SPOCK1: variants seen among roughly 807,000 people sequenced by gnomAD.
The protein encoded by SPOCK1 is testican-1.
In SPOCK1, 23 loss-of-function variants were observed where a neutral mutation model predicts 55.3. The observed-to-expected ratio is 0.42, with a 90% CI of 0.30 to 0.59. The LOEUF (loss-of-function observed/expected upper bound fraction) is 0.59, where lower values mean the gene tolerates loss of function less well. Ranked by LOEUF, SPOCK1 falls within the 20% of genes least tolerant of loss-of-function variation. SPOCK1 has a pLI of 0.22. For synonymous variants in SPOCK1, 226 were observed against 221.0 expected, an observed-to-expected ratio of 1.02 and a Z score of -0.20; for missense variants, 499 against 552.5, an observed-to-expected ratio of 0.90 and a Z score of 0.97.
intron 2 of SPOCK1, among the ~76,000 whole-genome samples, chr5:137,409,276 C>T (rs759061376): frequency 6.6e-6 from 1 of 152,146 alleles, no homozygotes; most frequent in Non-Finnish European, 1.5e-5. Context: ...TTTGTTATAC[C>T]CTTCATAGGA....
intron 2 of SPOCK1, among the ~76,000 whole-genome samples, chr5:137,368,326 C>A (rs1475083082): frequency 6.6e-6 from 1 of 152,096 alleles, no homozygotes; most frequent in African/African-American, 2.4e-5. Context: ...AGTTAAGGTA[C>A]AATGACAACT....
chr5:137,055,536 A>T (rs1312406391), intron 6 of SPOCK1, among the ~76,000 whole-genome samples: 2 of 152,222 alleles, frequency 1.3e-5, no homozygotes, highest in South Asian at 2.1e-4. Flanking sequence ...ATATTAAGCC[A>T]ACTATTTCAC....
At chr5:137,003,933 T>C (rs976098233) in intron 6 of SPOCK1, among the ~76,000 whole-genome samples, 2 of 152,106 alleles carry the variant, frequency 1.3e-5, no homozygotes, top group Non-Finnish European at 2.9e-5. Flanking sequence ...ACACTTTCAT[T>C]CACAGATTAC....
intron 3 of SPOCK1, among the ~76,000 whole-genome samples, chr5:137,244,265 CA>C (rs1756352831): frequency 6.6e-6 from 1 of 152,152 alleles, no homozygotes; most frequent in African/African-American, 2.4e-5. Context: ...CCACAAAAAA[CA>C]AACCTCCAAA....
chr5:137,196,807 A>T (rs1440464165), intron 3 of SPOCK1, among the ~76,000 whole-genome samples: 3 of 152,198 alleles, frequency 2.0e-5, no homozygotes, highest in African/African-American at 7.2e-5. Flanking sequence ...TGTCTTTATC[A>T]TCATGTGACC....
At chr5:137,251,725 C>A (rs1756533713) in intron 3 of SPOCK1, among the ~76,000 whole-genome samples, 1 of 152,130 alleles carries the variant, frequency 6.6e-6, no homozygotes, top group South Asian at 2.1e-4. Context: ...CATGAGAGAG[C>A]TCACAGTAAA....
At chr5:137,073,932 G>C (rs1171712923) in intron 5 of SPOCK1, among the ~76,000 whole-genome samples, 1 of 152,160 alleles carries the variant, frequency 6.6e-6, no homozygotes, top group Non-Finnish European at 1.5e-5. Context: ...CCTTAACAAA[G>C]GGACCAAGGG....
chr5:137,436,405 C>G (rs1752866023), intron 2 of SPOCK1, among the ~76,000 whole-genome samples: 1 of 152,116 alleles, frequency 6.6e-6, no homozygotes, highest in Non-Finnish European at 1.5e-5. Flanking sequence ...TTCCCTCCAT[C>G]ATGTACTAAA....
chr5:137,205,226 G>A (rs767285251), intron 3 of SPOCK1, among the ~76,000 whole-genome samples: 3 of 152,146 alleles, frequency 2.0e-5, no homozygotes, highest in Non-Finnish European at 2.9e-5. Flanking sequence ...TTATTCAAGC[G>A]CTGTCAAGGA....
chr5:137,422,555 C>A lies in SPOCK1; in HGVS notation c.186+75818G>T, dbSNP rs551398769. Among the ~76,000 whole-genome samples the A allele has an allele frequency of 5.9e-5, 9 of 152,260 alleles. No individual in the cohort carries two copies. In the East Asian group the frequency reaches 1.3e-3, roughly 23 times the overall value. ...TCATTTGATCTTCCATCACTGATAC[C>A]CTTTCTTCCAGTTGATCGAATCAGC... is the stretch of plus-strand genomic sequence containing the variant. On this transcript the variant is annotated intron_variant, in intron 2 of 10. Transcript: ENST00000394945.
At chr5:137,186,566 C>G (rs17721257) in intron 3 of SPOCK1, among the ~76,000 whole-genome samples, 60,785 of 152,182 alleles carry the variant, frequency 0.4, 13,272 homozygotes, top group Non-Finnish European at 0.48. Context: ...GGACAGAAGA[C>G]ATGGGGCTTA....
At chr5:136,980,674 C>T (rs1218869098) in intron 9 of SPOCK1, among the ~76,000 whole-genome samples, 2 of 152,178 alleles carry the variant, frequency 1.3e-5, no homozygotes, top group South Asian at 2.1e-4. Flanking sequence ...CATTAAACCT[C>T]TTTTTCTTTA....
chr5:137,155,930 T>C (rs1183847742), intron 3 of SPOCK1, among the ~76,000 whole-genome samples: 1 of 152,214 alleles, frequency 6.6e-6, no homozygotes, highest in Non-Finnish European at 1.5e-5. Context: ...GGAAGCCAAG[T>C]CAACATCTAG....
At chr5:137,489,233 G>A (rs561423959) in intron 2 of SPOCK1, among the ~76,000 whole-genome samples, 21 of 152,280 alleles carry the variant, frequency 1.4e-4, no homozygotes, top group African/African-American at 3.4e-4. Context: ...TATCTCTGCC[G>A]CTAAGCTGAT....
At chr5:137,138,618 A>C (rs1754035250) in intron 4 of SPOCK1, among the ~76,000 whole-genome samples, 1 of 151,912 alleles carries the variant, frequency 6.6e-6, no homozygotes, top group Non-Finnish European at 1.5e-5. Flanking sequence ...CCTCCATCCG[A>C]GAAGAAAGAC....
intron 2 of SPOCK1, among the ~76,000 whole-genome samples, chr5:137,317,678 G>C (rs1026770570): frequency 6.6e-6 from 1 of 152,128 alleles, no homozygotes; most frequent in Non-Finnish European, 1.5e-5. Flanking sequence ...AAGTCAACAG[G>C]TTGAAGAAAA....
At chr5:137,114,977 C>T (rs1210402593) in intron 4 of SPOCK1, among the ~76,000 whole-genome samples, 2 of 152,118 alleles carry the variant, frequency 1.3e-5, no homozygotes, top group African/African-American at 2.4e-5. Context: ...GGGAGGGAGA[C>T]GTAAGCACTG....
intron 3 of SPOCK1, among the ~76,000 whole-genome samples, chr5:137,253,910 T>G (rs933658396): frequency 3.9e-5 from 6 of 152,246 alleles, no homozygotes; most frequent in African/African-American, 1.4e-4. Flanking sequence ...CAGTTCTAGG[T>G]GTCCCACCAT....
intron 2 of SPOCK1, among the ~76,000 whole-genome samples, chr5:137,487,349 A>C (rs1031120824): frequency 6.6e-6 from 1 of 151,722 alleles, no homozygotes; most frequent in Non-Finnish European, 1.5e-5. Context: ...AAAAAAAAAA[A>C]AAAAACCTCT....
Sources: gnomAD v4.1 joint callset for allele counts (sites outside exome capture counted in the v4.1 genomes callset) on GRCh38, gnomAD v4.1.1 for gene constraint, MANE v1.5 for transcripts, NCBI Gene and HGNC (gene_info 2026-07-23, HGNC 2026-07-21) for gene names.